Variants in PPIE observed in about 807,000 individuals in gnomAD.
The protein encoded by PPIE is peptidylprolyl isomerase E, also known as peptidyl-prolyl cis-trans isomerase E.
A neutral mutation model predicts 38.4 loss-of-function variants in PPIE; 20 were observed. The ratio of observed to expected loss-of-function variants is 0.52; its 90% CI spans 0.37 to 0.76. The LOEUF (loss-of-function observed/expected upper bound fraction) is 0.76. PPIE is among the 30% of genes least tolerant of loss of function. The pLI, the probability that PPIE is intolerant of heterozygous loss-of-function variation, is 0.00. For missense variants in PPIE, 322 were observed against 385.8 expected, an observed-to-expected ratio of 0.83 and a Z score of 1.39; for synonymous variants, 142 against 135.7, an observed-to-expected ratio of 1.05 and a Z score of -0.32.
chr1:39,743,112 T>C, intron 4 of PPIE, 104 bp from the exon 5 acceptor site: 1 of 1,014,140 alleles, frequency 9.9e-7, no homozygotes, highest in South Asian at 1.4e-5. Context: ...GCCCAGGGAT[T>C]AAGGGAGGAC....
chr1:39,747,901 C>G (rs1224200517), intron 7 of PPIE: 1 of 152,068 alleles, frequency 6.6e-6, no homozygotes, highest in Non-Finnish European at 1.5e-5. Context: ...AACATCTTTT[C>G]AAATCTTTGG....
downstream of PPIE, chr1:39,759,951 A>G (rs960918079): frequency 9.8e-5 from 17 of 174,000 alleles, no homozygotes; most frequent in Non-Finnish European, 3.7e-5. Flanking sequence ...CACCTCGGGC[A>G]GGCAATGGGG....
chr1:39,740,264 G>A lies in PPIE; in HGVS notation c.130+1G>A. On this transcript the variant is annotated splice_donor_variant, in intron 2 of 9. Coordinates refer to ENST00000324379, the MANE Select transcript of PPIE (RefSeq NM_006112.4). LOFTEE classifies it high-confidence loss of function. ...CAGATTCCTCTGGATTATGAAACAGGTGAGTTAGTGTCTCTCACGTTCAGA... is the reference window on the plus strand; with the variant it reads ...CAGATTCCTCTGGATTATGAAACAGATGAGTTAGTGTCTCTCACGTTCAGA... 6.2e-7 allele frequency: 1 copy of A among 1,609,024 alleles called. No homozygotes were observed. The highest frequency in any genetic ancestry group is 8.5e-7 in the Non-Finnish European group (1 of 1,175,644).
Position 39,752,805 on chromosome 1 carries a change from C to G in PPIE, c.695-105C>G. 3.6e-6 allele frequency: 5 copies of G among 1,402,686 alleles called. No individual in the cohort carries two copies. The South Asian group carries it at 5.6e-5, about 16-fold the overall frequency. 86.9% of individuals were successfully genotyped at this position (1,402,686 alleles called of 1,614,324 possible). A position where few individuals can be genotyped will look rare whatever the true frequency, so the allele number is the denominator to read the frequency against. Reference sequence around the variant, plus strand: ...CATTTGCATGTGATCTGTGCATCCCCGAGTCTGAGCCTGACTGGCTGAAGG... The same window carrying G: ...CATTTGCATGTGATCTGTGCATCCCGGAGTCTGAGCCTGACTGGCTGAAGG... On this transcript the variant is annotated intron_variant, in intron 8 of 9. Coordinates refer to ENST00000324379, the MANE Select transcript of PPIE (RefSeq NM_006112.4).
At position 39,754,665 on chromosome 1, in the gene PPIE, C is replaced by G. The variant is rs1478622097; in HGVS notation, c.*1310C>G. Among the ~76,000 whole-genome samples, 1 of 152,062 alleles carries G rather than the reference C, an allele frequency of 6.6e-6. No individual in the cohort carries two copies. The highest frequency in any genetic ancestry group is 2.1e-4 in the South Asian group (1 of 4,814). ...TCACTTGAGCCCAGGAGTTCAAGAC[C>G]AGCCTGGGCAATGTAGAGACCCCCA... On this transcript the variant is annotated 3_prime_UTR_variant, in exon 10 of 10. Transcript: ENST00000324379.
At position 39,749,039 on chromosome 1, in the gene PPIE, T is replaced by C. The variant is rs1203279182; in HGVS notation, c.645T>C (p.Tyr215=). The part of the protein sequence containing the change: ...NHNGTGGKSI[Y]GKKFDDENFI... ...ATGGCACTGGGGGCAAGTCCATCTATGGGAAGAAGTTCGATGATGAAAACT... is the reference window on the plus strand; with the variant it reads ...ATGGCACTGGGGGCAAGTCCATCTACGGGAAGAAGTTCGATGATGAAAACT... The change falls in exon 8 of 10, where the codon TAT becomes TAC. Residue 215 remains tyrosine (Y), a synonymous_variant. Transcript: ENST00000324379. The C allele has an allele frequency of 1.9e-6, 3 of 1,610,100 alleles. No individual in the cohort carries two copies. The highest frequency in any genetic ancestry group is 2.5e-6 in the Non-Finnish European group (3 of 1,178,984).
chr1:39,755,835 ACTGAGG>A lies in PPIE; in HGVS notation c.*2483_*2488del, dbSNP rs1237197559. 1.0e-5 allele frequency: 10 copies of A among 985,264 alleles called. No individual in the cohort carries two copies. The highest frequency in any genetic ancestry group is 5.2e-4 in the Middle Eastern group (1 of 1,936). The allele number at this position is 985,264 out of a possible 1,614,324, so 61.0% of individuals were successfully genotyped here. On this transcript the variant is annotated 3_prime_UTR_variant, in exon 10 of 10. Coordinates refer to ENST00000324379, the MANE Select transcript of PPIE (RefSeq NM_006112.4). ...GCACACTGGAACCCTGCACAGGTAA[ACTGAGG>A]CTTTATTGGCGTGACTGCCAAAGGT...
chr1:39,743,815 T>C lies in PPIE; in HGVS notation c.284-9T>C. 1 of 1,606,156 alleles carries C rather than the reference T, an allele frequency of 6.2e-7. No homozygotes were observed. The highest frequency in any genetic ancestry group is 1.1e-5 in the South Asian group (1 of 90,892). On this transcript the variant is annotated splice_polypyrimidine_tract_variant and intron_variant, in intron 5 of 9. Coordinates refer to ENST00000324379, the MANE Select transcript of PPIE (RefSeq NM_006112.4). ...TTGAATGAACATTTGTTTGATTCTT[T>C]CCTTTCAGTTTGGTCAGATGATGAC... is the stretch of plus-strand genomic sequence containing the variant.
intron 7 of PPIE, 26 bp from the exon 8 acceptor site, chr1:39,748,877 A>G (rs1182632118): frequency 6.2e-7 from 1 of 1,601,564 alleles, no homozygotes; most frequent in South Asian, 1.1e-5. Flanking sequence ...TTTTAACCCC[A>G]GCGCTTTTTC....
rs1648265407 is a variant in PPIE, at chr1:39,756,292, C to G, written c.*2937C>G. On this transcript the variant is annotated 3_prime_UTR_variant, in exon 10 of 10. Coordinates refer to ENST00000324379, the MANE Select transcript of PPIE (RefSeq NM_006112.4). ...GTGGCTCCTGTCCCAACTGGCCTCC[C>G]CATTCCACATTCCCATTGCTGGACC... 3 of 985,342 alleles carry G rather than the reference C, an allele frequency of 3.0e-6. No homozygotes were observed. Among genetic ancestry groups the G allele is most frequent in the South Asian group, 9.4e-5 (2 of 21,286 alleles). 61.0% of individuals were successfully genotyped at this position (985,342 alleles called of 1,614,324 possible).
rs1490152408 is a variant in PPIE, at chr1:39,763,526, A to C, written c.838-163A>C. Among the ~76,000 whole-genome samples the C allele has an allele frequency of 2.7e-4, 39 of 146,546 alleles. 4 individuals are homozygous for C. The highest frequency in any genetic ancestry group is 5.0e-4 in the Non-Finnish European group (33 of 66,254). On this transcript the variant is annotated intron_variant, in intron 9 of 9. Transcript: ENST00000356511. The stretch of plus-strand genomic sequence containing the variant: ...CTTCATTTTCATGGTTTTAAAAAAA[A>C]CAAAAAACTGAACAAAAAAAAAACC...
chr1:39,760,642 A>G (rs1648829267), downstream of PPIE: 1 of 1,470,770 alleles, frequency 6.8e-7, no homozygotes, highest in Non-Finnish European at 9.0e-7. Context: ...GCCCCACCCC[A>G]GCTCCACCTG....
intron 1 of PPIE, 56 bp from the exon 2 acceptor site, chr1:39,740,109 G>A: frequency 1.4e-6 from 2 of 1,422,426 alleles, no homozygotes; most frequent in Non-Finnish European, 2.0e-6. Flanking sequence ...GGGCTGCAAG[G>A]ACTTCTGCAA....
chr1:39,745,748 A>C (rs1481677148), intron 7 of PPIE: 4 of 457,810 alleles, frequency 8.7e-6, no homozygotes, highest in South Asian at 3.4e-5. Flanking sequence ...TCTTTTTTTT[A>C]AAGAATAGCA....
rs147393629 is a variant in PPIE, at chr1:39,741,996, T to C, written c.201+75T>C. 211 of 1,513,944 alleles carry C rather than the reference T, an allele frequency of 1.4e-4. No homozygotes were observed. The African/African-American group carries it at 2.8e-3, about 20-fold the overall frequency. 93.8% of individuals were successfully genotyped at this position (1,513,944 alleles called of 1,614,324 possible). A position where few individuals can be genotyped will look rare whatever the true frequency, so the allele number is the denominator to read the frequency against. ...GAGGCTCCTTATTCATATATCAGTG[T>C]TCTGGACTTCCAAAGTTACAAGGTT... is the stretch of plus-strand genomic sequence containing the variant. On this transcript the variant is annotated intron_variant, in intron 4 of 9. Coordinates refer to ENST00000324379, the MANE Select transcript of PPIE (RefSeq NM_006112.4).
Position 39,756,113 on chromosome 1 carries a change from C to G in PPIE, c.*2758C>G, listed in dbSNP as rs1648242153. On this transcript the variant is annotated 3_prime_UTR_variant, in exon 10 of 10. Transcript: ENST00000324379. The stretch of plus-strand genomic sequence containing the variant: ...CCCCAGAGCTGGGCAGTGGCATGCC[C>G]CACAGCCTGGCCACCTGCTTCGGCT... 1.0e-6 allele frequency: 1 copy of G among 985,318 alleles called. No homozygotes were observed. Among genetic ancestry groups the G allele is most frequent in the East Asian group, 1.1e-4 (1 of 8,824 alleles). 61.0% of individuals were successfully genotyped at this position (985,318 alleles called of 1,614,324 possible). A position where few individuals can be genotyped will look rare whatever the true frequency, so the allele number is the denominator to read the frequency against.
chr1:39,739,418 A>G (rs1647003584), intron 1 of PPIE: 1 of 155,786 alleles, frequency 6.4e-6, no homozygotes, highest in Admixed American at 6.5e-5. Context: ...TTTTACAAAC[A>G]TTCAGTGCAG....
intron 1 of PPIE, 173 bp from the exon 2 acceptor site, chr1:39,739,992 G>A: frequency 1.8e-6 from 1 of 565,844 alleles, no homozygotes; most frequent in Non-Finnish European, 3.2e-6. Flanking sequence ...GAAGGGCGAA[G>A]AGAGGAATAT....
chr1:39,749,134 T>G lies in PPIE; in HGVS notation c.694+46T>G, dbSNP rs764882142. 4 of 1,534,868 alleles carry G rather than the reference T, an allele frequency of 2.6e-6. No homozygotes were observed. In the East Asian group the frequency reaches 6.8e-5, roughly 26 times the overall value. On this transcript the variant is annotated intron_variant, in intron 8 of 9. Coordinates refer to ENST00000324379, the MANE Select transcript of PPIE (RefSeq NM_006112.4). The stretch of plus-strand genomic sequence containing the variant: ...GGTGACGAGGGAGGCTGGGCAAGGG[T>G]GGGATGGCCAGGCAGGATGGAAGGA...
Sources: allele counts gnomAD v4.1 joint callset (sites outside exome capture counted in the v4.1 genomes callset), GRCh38; gene constraint gnomAD v4.1.1; transcripts MANE v1.5; gene names NCBI Gene and HGNC (gene_info 2026-07-23, HGNC 2026-07-21).